ATG7: variants seen among roughly 807,000 people sequenced by gnomAD.
The protein encoded by ATG7 is ubiquitin-like modifier-activating enzyme ATG7.
A neutral mutation model predicts 82.4 loss-of-function variants in ATG7; 70 were observed. The ratio of observed to expected loss-of-function variants is 0.85; its 90% CI spans 0.70 to 1.04. The LOEUF (loss-of-function observed/expected upper bound fraction) is 1.04. ATG7 is among the 50% of genes least tolerant of loss of function. ATG7 has a pLI of 0.00. For synonymous variants in ATG7, 287 were observed against 313.0 expected (o/e 0.92, Z 0.88); for missense variants, 792 against 864.3 (o/e 0.92, Z 1.05).
intron 9 of ATG7, among the ~76,000 whole-genome samples, chr3:11,326,009 T>C (rs752232295): frequency 5.3e-5 from 8 of 152,208 alleles, no homozygotes; most frequent in Non-Finnish European, 1.2e-4. Context: ...ATTTTCTTCT[T>C]AAACATTCTC....
chr3:11,305,050 T>A (rs1289485104), intron 5 of ATG7, among the ~76,000 whole-genome samples: 1 of 152,184 alleles, frequency 6.6e-6, no homozygotes, highest in East Asian at 1.9e-4. Flanking sequence ...AACTCTACTT[T>A]CTGTCTCTGA....
chr3:11,490,764 G>A (rs1358702501), intron 20 of ATG7, among the ~76,000 whole-genome samples: 2 of 152,158 alleles, frequency 1.3e-5, no homozygotes, highest in Non-Finnish European at 2.9e-5. Flanking sequence ...ATTCTGGGTT[G>A]AAAATTCTTT....
intron 11 of ATG7, among the ~76,000 whole-genome samples, chr3:11,333,720 G>T (rs1951971253): frequency 6.6e-6 from 1 of 151,006 alleles, no homozygotes; most frequent in Admixed American, 6.6e-5. Context: ...GTAAAATAAG[G>T]ATATAATGCC....
At position 11,390,655 on chromosome 3, in the gene ATG7, CT is replaced by C. The variant is rs530090579; in HGVS notation, c.1956+10606del. On this transcript the variant is annotated intron_variant, in intron 19 of 20. Coordinates refer to ENST00000693202, the MANE Select transcript of ATG7 (RefSeq NM_001349232.2). ...GCCTCAGCAGTGGTAACTTTTTGAC[CT>C]TTGTGGGTGGGTTTGATTTTTTTTT... Among the ~76,000 whole-genome samples, 27 of 134,594 alleles carry C rather than the reference CT, an allele frequency of 2.0e-4. 1 individual carries two copies. The South Asian group carries it at 7.6e-3, about 38-fold the overall frequency. The allele number at this position is 134,594 out of a possible 152,430, so 88.3% of individuals were successfully genotyped here.
chr3:11,318,202 A>C (rs148619019), intron 9 of ATG7, among the ~76,000 whole-genome samples: 1 of 152,084 alleles, frequency 6.6e-6, no homozygotes, highest in Non-Finnish European at 1.5e-5. Context: ...ATTCAGGCAC[A>C]CTATCCTTCA....
At chr3:11,359,477 C>G in intron 15 of ATG7, among the ~76,000 whole-genome samples, 1 of 152,004 alleles carries the variant, frequency 6.6e-6, no homozygotes, top group East Asian at 1.9e-4. Flanking sequence ...GGGAGGATTG[C>G]TTGACCCAGG....
chr3:11,408,600 TGG>T (rs2080583454), intron 19 of ATG7, among the ~76,000 whole-genome samples: 1 of 152,178 alleles, frequency 6.6e-6, no homozygotes, highest in African/African-American at 2.4e-5. Context: ...TCCACATGGT[TGG>T]GGAGGCCTTA....
chr3:11,292,342 C>G (rs991593913), intron 3 of ATG7, among the ~76,000 whole-genome samples: 3 of 151,712 alleles, frequency 2.0e-5, no homozygotes, highest in African/African-American at 4.8e-5. Flanking sequence ...TCACTGCAAC[C>G]TCCGCCTCCT....
At chr3:11,320,244 T>TCCCTGACCTC (rs1950035978) in intron 9 of ATG7, among the ~76,000 whole-genome samples, 1 of 152,062 alleles carries the variant, frequency 6.6e-6, no homozygotes, top group Non-Finnish European at 1.5e-5. Flanking sequence ...ATAAAAAGGT[T>TCCCTGACCTC]TATTCCTTCT....
chr3:11,290,366 A>C (rs529020070), intron 3 of ATG7: 1 of 163,906 alleles, frequency 6.1e-6, no homozygotes. Context: ...GGGGCAGGCC[A>C]GGCCAAGCAT....
At chr3:11,345,604 A>G (rs1327877352) in intron 13 of ATG7, among the ~76,000 whole-genome samples, 1 of 152,026 alleles carries the variant, frequency 6.6e-6, no homozygotes, top group South Asian at 2.1e-4. Flanking sequence ...AAATCTTTTC[A>G]TATTCCTAAT....
rs530415502 is a variant in ATG7, at chr3:11,431,389, G to A, written c.2079+4463G>A. Among the ~76,000 whole-genome samples the A allele has an allele frequency of 8.0e-3, 1,212 of 152,182 alleles. 8 individuals carry two copies. Among genetic ancestry groups the A allele is most frequent in the South Asian group, 0.023 (112 of 4,824 alleles). On this transcript the variant is annotated intron_variant, in intron 20 of 20. Transcript: ENST00000693202. ...GCACTCCAGCCTGCAAGGGCGGGGGGAAAAAAACAACCACACACAACACAC... is the reference window on the plus strand; with the variant it reads ...GCACTCCAGCCTGCAAGGGCGGGGGAAAAAAAACAACCACACACAACACAC...
chr3:11,382,294 A>T lies in ATG7; in HGVS notation c.1956+2242A>T, dbSNP rs558030699. Among the ~76,000 whole-genome samples, 4 of 152,380 alleles carry T rather than the reference A, an allele frequency of 2.6e-5. No homozygotes were observed. In the South Asian group the frequency reaches 8.3e-4, roughly 32 times the overall value. On this transcript the variant is annotated intron_variant, in intron 19 of 20. Transcript: ENST00000693202. Reference sequence around the variant, plus strand: ...TATATACACATATATATAGAGAGAGAGAGTGCGAGCACGCACGCACGCGAG... The same window carrying T: ...TATATACACATATATATAGAGAGAGTGAGTGCGAGCACGCACGCACGCGAG...
chr3:11,317,588 T>C (rs868728432), intron 9 of ATG7, among the ~76,000 whole-genome samples: 15 of 142,010 alleles, frequency 1.1e-4, no homozygotes, highest in African/African-American at 1.7e-4. Flanking sequence ...TTCTTTCTTT[T>C]TTTTTTTTTT....
chr3:11,555,746 C>CCCAA lies in ATG7; in HGVS notation c.*906_*909dup, dbSNP rs2072342949. ...TTCTGGGTGTGTGCAGCTGTGAGGCCCCAACCCAGGAGAGGCCATGGCCTA... is the reference window on the plus strand; with the variant it reads ...TTCTGGGTGTGTGCAGCTGTGAGGCCCCAACCAACCCAGGAGAGGCCATGGCCTA... On this transcript the variant is annotated 3_prime_UTR_variant, in exon 21 of 21. Transcript: ENST00000693202. 6.6e-6 allele frequency: 1 copy of CCCAA among 152,266 alleles called. No individual in the cohort carries two copies. The highest frequency in any genetic ancestry group is 6.5e-5 in the Admixed American group (1 of 15,270). The allele number at this position is 152,266 out of a possible 1,614,324, so 9.4% of individuals were successfully genotyped here. A position where few individuals can be genotyped will look rare whatever the true frequency, so the allele number is the denominator to read the frequency against.
intron 14 of ATG7, chr3:11,348,403 G>C (rs988642306): frequency 5.3e-6 from 1 of 189,738 alleles, no homozygotes. Flanking sequence ...CAGTGGGTTC[G>C]TGGGGTTCCT....
intron 18 of ATG7, among the ~76,000 whole-genome samples, chr3:11,378,685 CAAAAAAAAAAA>C (rs368506515): frequency 7.6e-5 from 6 of 78,968 alleles, no homozygotes; most frequent in Non-Finnish European, 1.3e-4. Flanking sequence ...ACTCCATCTC[CAAAAAAAAAAA>C]AAAAAAAAAA....
intron 14 of ATG7, among the ~76,000 whole-genome samples, chr3:11,354,067 C>A (rs982821322): frequency 6.6e-6 from 1 of 152,096 alleles, no homozygotes; most frequent in Admixed American, 6.5e-5. Flanking sequence ...ATATATGTAT[C>A]CCAGACTAAC....
At chr3:11,552,040 C>T (rs188659825) in intron 20 of ATG7, among the ~76,000 whole-genome samples, 51 of 152,382 alleles carry the variant, frequency 3.3e-4, no homozygotes, top group African/African-American at 1.1e-3. Flanking sequence ...TGCGCCACCA[C>T]GCCCGGCCTC....
Sources: allele counts gnomAD v4.1 joint callset (sites outside exome capture counted in the v4.1 genomes callset), GRCh38; gene constraint gnomAD v4.1.1; transcripts MANE v1.5; gene names NCBI Gene and HGNC (gene_info 2026-07-23, HGNC 2026-07-21).